Variants in BCAR1 observed in about 807,000 individuals in gnomAD.
BCAR1 encodes BCAR1 scaffold protein, Cas family member.
Under a neutral mutation model 67.6 loss-of-function variants are expected in BCAR1, and 30 were observed. The observed-to-expected ratio is 0.44, with a 90% CI of 0.33 to 0.60. The LOEUF is 0.60. Ranked by LOEUF, BCAR1 falls within the 20% of genes least tolerant of loss-of-function variation. BCAR1 has a pLI of 0.02. For synonymous variants in BCAR1, 626 were observed against 556.7 expected, an observed-to-expected ratio of 1.12 and a Z score of -1.75; for missense variants, 1,313 against 1,222.3, an observed-to-expected ratio of 1.07 and a Z score of -1.11.
chr16:75,258,107 C>T (rs1014898281), intron 1 of BCAR1, among the ~76,000 whole-genome samples: 5 of 152,212 alleles, frequency 3.3e-5, no homozygotes, highest in African/African-American at 1.2e-4. Flanking sequence ...CCACACCCTG[C>T]GCCATCACAC....
intron 1 of BCAR1, chr16:75,249,560 T>G (rs2077613844): frequency 6.6e-6 from 1 of 152,308 alleles, no homozygotes; most frequent in African/African-American, 2.4e-5. Context: ...CTCCCCACAC[T>G]TCACCTCTGA....
rs146562346 is a variant in BCAR1, at chr16:75,237,342, C to A, written c.636G>T (p.Val212=). The A allele has an allele frequency of 6.9e-7, 1 of 1,459,630 alleles. No individual in the cohort carries two copies. Among genetic ancestry groups the A allele is most frequent in the Non-Finnish European group, 9.0e-7 (1 of 1,107,320 alleles). The allele number at this position is 1,459,630 out of a possible 1,614,324, so 90.4% of individuals were successfully genotyped here. The change falls in exon 3 of 7, where the codon GTG becomes GTT. Residue 212 remains valine, a splice_region_variant and synonymous_variant. Coordinates refer to ENST00000162330, the MANE Select transcript of BCAR1 (RefSeq NM_014567.5). The part of the protein sequence containing the change: ...SWEGTKPPAK[V]VVPTRVGQGY... ...CCTGCCCCACGCGGGTGGGCACCAC[C>A]ACCTGGGGGCAGAGAGCCGACTTCA...
rs1269698238 is a variant in BCAR1, at chr16:75,235,582, C to G, written c.1317G>C (p.Gln439His). 1 of 1,592,686 alleles carries G rather than the reference C, an allele frequency of 6.3e-7. No individual in the cohort carries two copies. Among genetic ancestry groups the G allele is most frequent in the Non-Finnish European group, 8.5e-7 (1 of 1,169,880 alleles). The part of the protein sequence containing the change: ...ASSTGSTRSS[Q>H]SASSLEVAGP... ...CTGCCACCTCCAAGGAGGACGCAGA[C>G]TGGCTGCTGCGTGTGCTGCCGGTGC... The change falls in exon 5 of 7, where the codon CAG becomes CAC. Residue 439 changes from glutamine to histidine, a missense_variant. Coordinates refer to ENST00000162330, the MANE Select transcript of BCAR1 (RefSeq NM_014567.5).
At chr16:75,234,624 A>T (rs969216444) in intron 5 of BCAR1, among the ~76,000 whole-genome samples, 1 of 152,212 alleles carries the variant, frequency 6.6e-6, no homozygotes, top group Non-Finnish European at 1.5e-5. Context: ...GTGTGTGTGC[A>T]CATTTCTGCA....
At chr16:75,246,995 C>G (rs530031791) in intron 1 of BCAR1, 1 of 152,456 alleles carries the variant, frequency 6.6e-6, no homozygotes, top group South Asian at 2.1e-4. Context: ...CTGACTCACT[C>G]ATTCTCTGGT....
rs988486977 is a variant in BCAR1, at chr16:75,263,109, C to T, written c.66+4806G>A. The T allele has an allele frequency of 8.0e-5, 59 of 738,018 alleles. No homozygotes were observed. In the Admixed American group the frequency reaches 1.1e-3, roughly 14 times the overall value. The allele number at this position is 738,018 out of a possible 1,614,324, so 45.7% of individuals were successfully genotyped here. ...TGAGCCCAGTGCCCAGCACACAGGG[C>T]GGCATCCCTGAAAGGAGCCATCCCT... On this transcript the variant is annotated intron_variant, in intron 1 of 6. Transcript: ENST00000393422.
At chr16:75,248,544 C>T in intron 1 of BCAR1, 1 of 199,828 alleles carries the variant, frequency 5.0e-6, no homozygotes, top group Non-Finnish European at 1.0e-5. Context: ...TTCCCTCCCC[C>T]ATGTCCCCAT....
At chr16:75,253,475 C>T (rs529708012), upstream of BCAR1, among the ~76,000 whole-genome samples, 8 of 152,178 alleles carry the variant, frequency 5.3e-5, no homozygotes, top group Admixed American at 2.6e-4. Flanking sequence ...CCAAGGAGGG[C>T]GGTGCAGAGA....
intron 2 of BCAR1, among the ~76,000 whole-genome samples, chr16:75,237,839 G>A (rs550184891): frequency 4.3e-4 from 66 of 152,156 alleles, no homozygotes; most frequent in Non-Finnish European, 8.5e-4. Flanking sequence ...GACTGCATCC[G>A]GCCCAGGACC....
upstream of BCAR1, chr16:75,252,426 G>C: frequency 1.4e-6 from 2 of 1,445,840 alleles, no homozygotes; most frequent in Non-Finnish European, 1.8e-6. Flanking sequence ...ATAGAAGGAA[G>C]AATCACTCGG....
chr16:75,235,528 T>A lies in BCAR1; in HGVS notation c.1371A>T (p.Glu457Asp), dbSNP rs752704963. 1 of 1,595,852 alleles carries A rather than the reference T, an allele frequency of 6.3e-7. No homozygotes were observed. The highest frequency in any genetic ancestry group is 1.1e-5 in the South Asian group (1 of 88,934). The change falls in exon 5 of 7, where the codon GAA becomes GAT. Residue 457 changes from glutamate (E) to aspartate (D), a missense_variant. Physicochemically the swap from Glu to Asp is conservative, Grantham distance 45. Coordinates refer to ENST00000162330, the MANE Select transcript of BCAR1 (RefSeq NM_014567.5). The part of the protein sequence containing the change: ...AGPGREPLEL[E>D]VAVEALARLQ... ...GCCGTGCCAGGGCCTCCACAGCAAC[T>A]TCCAGCTCCAGGGGTTCCCGGCCCG...
intron 1 of BCAR1, chr16:75,248,160 G>A: frequency 1.3e-6 from 2 of 1,586,460 alleles, no homozygotes; most frequent in South Asian, 1.1e-5. Context: ...ACACGGTGGA[G>A]CTGGGTGGCT....
intron 1 of BCAR1, chr16:75,266,709 CT>C (rs1302680484): frequency 7.1e-7 from 1 of 1,404,604 alleles, no homozygotes; most frequent in South Asian, 1.6e-5. Context: ...ACTGAGATCC[CT>C]CACCCACTCA....
At chr16:75,258,863 C>T (rs760066889) in intron 1 of BCAR1, among the ~76,000 whole-genome samples, 2 of 152,086 alleles carry the variant, frequency 1.3e-5, no homozygotes, top group Non-Finnish European at 2.9e-5. Flanking sequence ...GGGCTTCCAG[C>T]GCTGGGGCAG....
chr16:75,266,843 A>G, intron 1 of BCAR1: 2 of 1,252,902 alleles, frequency 1.6e-6, no homozygotes, highest in South Asian at 2.6e-5. Context: ...CACCCCAGGG[A>G]GGAAAGACGG....
intron 2 of BCAR1, chr16:75,238,295 A>C (rs1301605857): frequency 8.7e-7 from 1 of 1,151,598 alleles, no homozygotes; most frequent in East Asian, 7.8e-5. Flanking sequence ...CCCCGGGCAC[A>C]CTGCGCCCAC....
At chr16:75,231,423 T>A (rs1264980647) in intron 6 of BCAR1, among the ~76,000 whole-genome samples, 1 of 152,162 alleles carries the variant, frequency 6.6e-6, no homozygotes, top group African/African-American at 2.4e-5. Flanking sequence ...TTATATAATA[T>A]CCCACTGCAT....
intron 1 of BCAR1, among the ~76,000 whole-genome samples, chr16:75,267,613 T>A (rs2078027300): frequency 6.6e-6 from 1 of 152,026 alleles, no homozygotes; most frequent in African/African-American, 2.4e-5. Context: ...CCCTCTCCTT[T>A]GCTCCTCGCC....
intron 2 of BCAR1, chr16:75,238,666 C>A: frequency 1.0e-6 from 1 of 986,084 alleles, no homozygotes; most frequent in Non-Finnish European, 1.2e-6. Context: ...CGGCTGGGGG[C>A]CTCCGTGGGG....
Sources: allele counts gnomAD v4.1 joint callset (sites outside exome capture counted in the v4.1 genomes callset), GRCh38; gene constraint gnomAD v4.1.1; transcripts MANE v1.5; gene names NCBI Gene and HGNC (gene_info 2026-07-23, HGNC 2026-07-21).